Variants in GALNT14 observed in about 807,000 individuals in gnomAD.
GALNT14 encodes the protein UDP-GalNAc:polypeptide N-acetylgalactosaminyltransferase 14.
Under a neutral mutation model 77.5 loss-of-function variants are expected in GALNT14, and 60 were observed. The ratio of observed to expected loss-of-function variants is 0.77; its 90% CI spans 0.63 to 0.96. The LOEUF is 0.96. GALNT14 is among the 40% of genes least tolerant of loss of function. GALNT14 has a pLI of 0.00. For synonymous variants in GALNT14, 280 were observed against 281.7 expected (o/e 0.99, Z 0.06); for missense variants, 710 against 731.0 (o/e 0.97, Z 0.33).
intron 1 of GALNT14, among the ~76,000 whole-genome samples, chr2:30,993,978 T>G (rs769624586): frequency 1.3e-5 from 2 of 152,190 alleles, no homozygotes; most frequent in Non-Finnish European, 2.9e-5. Context: ...TTCAAGGCCT[T>G]GAGAAGCTGG....
chr2:30,929,902 C>T (rs1665624178), intron 10 of GALNT14, among the ~76,000 whole-genome samples: 1 of 152,124 alleles, frequency 6.6e-6, no homozygotes, highest in East Asian at 1.9e-4. Context: ...ATATTTTTCC[C>T]TTGGGGATGC....
chr2:31,034,795 T>G (rs958969990), intron 1 of GALNT14, among the ~76,000 whole-genome samples: 3 of 152,232 alleles, frequency 2.0e-5, no homozygotes, highest in African/African-American at 7.2e-5. Flanking sequence ...ATGTTGTGTT[T>G]TTGTTTTTGT....
At position 31,089,168 on chromosome 2, in the gene GALNT14, T is replaced by C. The variant is rs547300500; in HGVS notation, c.129+48790A>G. Among the ~76,000 whole-genome samples, 5 of 152,290 alleles carry C rather than the reference T, an allele frequency of 3.3e-5. No homozygotes were observed. The South Asian group carries it at 1.0e-3, about 32-fold the overall frequency. On this transcript the variant is annotated intron_variant, in intron 1 of 14. Transcript: ENST00000349752. ...TTCTCCTTGAAATCCTAGCCTACCA[T>C]GACCCTTCTCCTTCCTATAGCATTT...
At chr2:31,101,905 T>C (rs1008503096) in intron 1 of GALNT14, among the ~76,000 whole-genome samples, 4 of 152,104 alleles carry the variant, frequency 2.6e-5, no homozygotes, top group Non-Finnish European at 5.9e-5. Flanking sequence ...TGAGAGCCGA[T>C]GGTTTTATAA....
intron 1 of GALNT14, among the ~76,000 whole-genome samples, chr2:31,045,925 A>G (rs977062683): frequency 7.2e-5 from 11 of 152,240 alleles, no homozygotes; most frequent in Admixed American, 3.3e-4. Flanking sequence ...CTCTTATTCT[A>G]TACTATCATC....
intron 2 of GALNT14, among the ~76,000 whole-genome samples, chr2:30,977,092 CTT>C (rs11314175): frequency 3.3e-4 from 44 of 134,914 alleles, no homozygotes; most frequent in Admixed American, 4.4e-4. Flanking sequence ...GCTTTTCTGT[CTT>C]TTTTTTTTTT....
Position 30,981,352 on chromosome 2 carries a change from A to G in GALNT14, c.299+11486T>C, listed in dbSNP as rs527496396. ...ACTGAAAAATGTGGGCAGGTCACCA[A>G]TGTTTGCAGTCAAACTGCCTTCTAC... On this transcript the variant is annotated intron_variant, in intron 2 of 14. Transcript: ENST00000349752. 1.3e-4 allele frequency among the ~76,000 whole-genome samples: 20 copies of G among 152,324 alleles called. 1 individual carries two copies. Among genetic ancestry groups the G allele is most frequent in the African/African-American group, 4.3e-4 (18 of 41,584 alleles).
chr2:30,970,314 A>G (rs76637706), intron 2 of GALNT14, among the ~76,000 whole-genome samples: 3,520 of 152,264 alleles, frequency 0.023, 145 homozygotes, highest in East Asian at 0.21. Flanking sequence ...GAGTCTGGAC[A>G]TGTCGAGAAC....
intron 2 of GALNT14, among the ~76,000 whole-genome samples, chr2:30,990,754 GTTCT>G (rs1310119823): frequency 6.6e-6 from 1 of 152,220 alleles, no homozygotes; most frequent in Non-Finnish European, 1.5e-5. Context: ...TTCAGAGTAA[GTTCT>G]TTAAGTGTGA....
rs1488016117 is a variant in GALNT14 at position 31,057,366 on chromosome 2, GTGTGTGTGTATA to G, written c.130-64371_130-64360del. Among the ~76,000 whole-genome samples the G allele has an allele frequency of 4.5e-4, 38 of 84,796 alleles. 1 individual carries two copies. The highest frequency in any genetic ancestry group is 1.5e-3 in the African/African-American group (27 of 17,512). 55.6% of individuals were successfully genotyped at this position (84,796 alleles called of 152,430 possible). On this transcript the variant is annotated intron_variant, in intron 1 of 14. Coordinates refer to ENST00000349752, the MANE Select transcript of GALNT14 (RefSeq NM_024572.4). ...TATATATATGTGTGTGTGTGTGTGT[GTGTGTGTGTATA>G]TATATATATATATATACACAGCTGT...
chr2:30,952,239 C>T (rs1203148215), intron 6 of GALNT14, among the ~76,000 whole-genome samples: 1 of 152,154 alleles, frequency 6.6e-6, no homozygotes, highest in East Asian at 1.9e-4. Context: ...GAAAGGTTAA[C>T]AGTGGATGTC....
chr2:31,030,072 C>T (rs1672317304), intron 1 of GALNT14, among the ~76,000 whole-genome samples: 1 of 152,188 alleles, frequency 6.6e-6, no homozygotes, highest in South Asian at 2.1e-4. Flanking sequence ...GTCTTCTAGA[C>T]TGTGAGCAGC....
chr2:31,130,268 G>A (rs981078708), intron 1 of GALNT14, among the ~76,000 whole-genome samples: 1 of 152,220 alleles, frequency 6.6e-6, no homozygotes, highest in African/African-American at 2.4e-5. Flanking sequence ...AGGCCAGAGT[G>A]GCAACCTCCT....
chr2:31,000,435 CTG>C (rs3223043), intron 1 of GALNT14, among the ~76,000 whole-genome samples: 10,705 of 145,834 alleles, frequency 0.073, 448 homozygotes, highest in African/African-American at 0.12. Context: ...ATATCACCAA[CTG>C]TGTGTGTGTG....
In GALNT14 at chr2:31,093,022, G is replaced by T. The variant is rs1676829177; in HGVS notation, c.129+44936C>A. Among the ~76,000 whole-genome samples, 2 of 152,196 alleles carry T rather than the reference G, an allele frequency of 1.3e-5. 1 individual carries two copies. Among genetic ancestry groups the T allele is most frequent in the Admixed American group, 1.3e-4 (2 of 15,286 alleles). On this transcript the variant is annotated intron_variant, in intron 1 of 14. Transcript: ENST00000349752. ...GATTCTAACACAGTTTACTGAACCAGAAGTGGCTCCTGTCTGAGGTTCGTT... is the reference window on the plus strand; with the variant it reads ...GATTCTAACACAGTTTACTGAACCATAAGTGGCTCCTGTCTGAGGTTCGTT...
At chr2:30,988,318 CT>C (rs1390899495) in intron 2 of GALNT14, among the ~76,000 whole-genome samples, 1 of 152,216 alleles carries the variant, frequency 6.6e-6, no homozygotes, top group Non-Finnish European at 1.5e-5. Context: ...GGGGCAAAGA[CT>C]GTATCAATAT....
chr2:30,894,930 T>C, the GALNT14 span, among the ~76,000 whole-genome samples: 13 of 152,178 alleles, frequency 8.5e-5, no homozygotes, highest in African/African-American at 2.9e-4. Context: ...GGGTTTGTAC[T>C]ATCAGTTCCC....
chr2:31,048,283 T>C (rs1387764913), intron 1 of GALNT14, among the ~76,000 whole-genome samples: 1 of 152,248 alleles, frequency 6.6e-6, no homozygotes, highest in African/African-American at 2.4e-5. Context: ...GCTTACTTTC[T>C]GTTAGGAACT....
At chr2:31,030,668 C>A (rs1310581403) in intron 1 of GALNT14, among the ~76,000 whole-genome samples, 1 of 152,190 alleles carries the variant, frequency 6.6e-6, no homozygotes, top group African/African-American at 2.4e-5. Flanking sequence ...GCTGGAGCAA[C>A]AATGACTTCT....
Sources: allele counts gnomAD v4.1 joint callset (sites outside exome capture counted in the v4.1 genomes callset), GRCh38; gene constraint gnomAD v4.1.1; transcripts MANE v1.5; gene names NCBI Gene and HGNC (gene_info 2026-07-23, HGNC 2026-07-21).